Variants in FAIM2 observed in about 807,000 individuals in gnomAD.
FAIM2 encodes Fas apoptotic inhibitory molecule 2.
FAIM2 carries 27 observed loss-of-function variants against 47.4 expected under a neutral mutation model. The observed-to-expected ratio is 0.57, with a 90% CI of 0.42 to 0.78. The LOEUF (loss-of-function observed/expected upper bound fraction) is 0.78. Among genes scored for constraint, FAIM2 ranks in the 30% least tolerant of loss-of-function variants. The pLI, the probability that FAIM2 is intolerant of heterozygous loss-of-function variation, is 0.00. For missense variants in FAIM2, 311 were observed against 389.4 expected, an observed-to-expected ratio of 0.80 and a Z score of 1.69; for synonymous variants, 156 against 159.3, an observed-to-expected ratio of 0.98 and a Z score of 0.16.
rs1434343091 is a variant in FAIM2, at chr12:49,903,813, G to A, written c.-21C>T. The A allele has an allele frequency of 6.5e-7, 1 of 1,535,994 alleles. No homozygotes were observed. Among genetic ancestry groups the A allele is most frequent in the Admixed American group, 2.0e-5 (1 of 49,078 alleles). On this transcript the variant is annotated 5_prime_UTR_variant, in exon 1 of 12. Transcript: ENST00000320634. ...GTCATGGTGCCGTCTCTCGGGGAAGGGGTCCCTGAGGCCCGGGTGGCCGCT... is the reference window on the plus strand; with the variant it reads ...GTCATGGTGCCGTCTCTCGGGGAAGAGGTCCCTGAGGCCCGGGTGGCCGCT...
rs183038976 is a variant in FAIM2 at position 49,874,550 on chromosome 12, C to T, written c.802-3897G>A. Among the ~76,000 whole-genome samples, 330 of 152,348 alleles carry T rather than the reference C, an allele frequency of 2.2e-3. 2 individuals are homozygous for T. Among genetic ancestry groups the T allele is most frequent in the Non-Finnish European group, 3.9e-3 (262 of 68,028 alleles). On this transcript the variant is annotated intron_variant, in intron 11 of 11. Transcript: ENST00000320634. This position sits in a 1 kb window ranked among gnomAD's most constrained non-coding sequence, Gnocchi z 4.2. Reference sequence around the variant, plus strand: ...CCCCAGCCACACATTTGGCCTGACCCTGCCATATCTGGGGCCCAGGCTTAT... The same window carrying T: ...CCCCAGCCACACATTTGGCCTGACCTTGCCATATCTGGGGCCCAGGCTTAT...
Position 49,901,159 on chromosome 12 carries a change from A to C in FAIM2, c.182T>G (p.Leu61Arg), listed in dbSNP as rs551704971. The C allele has an allele frequency of 2.5e-6, 4 of 1,605,686 alleles. No homozygotes were observed. The South Asian group carries it at 4.5e-5, about 18-fold the overall frequency. Residue 61 changes from leucine to arginine, a missense_variant, in exon 2 of 12, where the codon CTC (leucine) becomes CGC (arginine). By Grantham distance (102) the Leu-to-Arg change is moderately radical. Coordinates refer to ENST00000320634, the MANE Select transcript of FAIM2 (RefSeq NM_012306.4). ...GTCCACATAGGCCCAGCTAGGGTGGAGAGGCACCGCTGTGGGGGCTGGGGG... is the reference window on the plus strand; with the variant it reads ...GTCCACATAGGCCCAGCTAGGGTGGCGAGGCACCGCTGTGGGGGCTGGGGG... Reference protein sequence around the residue: ...AFPPAPTAVPLHPSWAYVDPS... With the variant: ...AFPPAPTAVPRHPSWAYVDPS...
At chr12:49,893,919 G>A (rs1217654452) in intron 5 of FAIM2, among the ~76,000 whole-genome samples, 3 of 152,276 alleles carry the variant, frequency 2.0e-5, no homozygotes, top group South Asian at 2.1e-4. Context: ...GTTCTATCTC[G>A]CCAGCCAGAG....
Position 49,870,146 on chromosome 12 carries a change from G to A in FAIM2, c.*358C>T, listed in dbSNP as rs1018299646. 9 of 227,388 alleles carry A rather than the reference G, an allele frequency of 4.0e-5. No individual in the cohort carries two copies. The highest frequency in any genetic ancestry group is 1.8e-4 in the African/African-American group (8 of 44,244). 14.1% of individuals were successfully genotyped at this position (227,388 alleles called of 1,614,324 possible). On this transcript the variant is annotated 3_prime_UTR_variant, in exon 12 of 12. Transcript: ENST00000320634. ...GCAGCCCTAGGAGGAATTGCAGTGG[G>A]GCTCAGGGCTCTGCCGGGCTTCCTG...
chr12:49,876,686 G>A (rs1312687809), intron 11 of FAIM2, among the ~76,000 whole-genome samples: 1 of 151,914 alleles, frequency 6.6e-6, no homozygotes, highest in Non-Finnish European at 1.5e-5. Context: ...GCAGGAGAAT[G>A]GCGTGAACCC....
At chr12:49,900,121 T>G in intron 2 of FAIM2, 1 of 1,010,798 alleles carries the variant, frequency 9.9e-7, no homozygotes, top group Non-Finnish European at 1.3e-6. Flanking sequence ...GGCGGGTGTG[T>G]AGGGAAGGGA....
chr12:49,878,725 T>G (rs115852313), intron 11 of FAIM2, among the ~76,000 whole-genome samples: 17,482 of 126,048 alleles, frequency 0.14, 2,945 homozygotes, highest in African/African-American at 0.19. Context: ...CGTGTGTGTC[T>G]GTGTGCATGT....
intron 2 of FAIM2, among the ~76,000 whole-genome samples, chr12:49,899,009 CTG>C (rs1946962275): frequency 6.6e-6 from 1 of 152,134 alleles, no homozygotes; most frequent in South Asian, 2.1e-4. Flanking sequence ...AGTCCCAGAA[CTG>C]AGGCTTTTGG....
At chr12:49,895,827 T>C (rs1473904000) in intron 5 of FAIM2, among the ~76,000 whole-genome samples, 2 of 152,186 alleles carry the variant, frequency 1.3e-5, no homozygotes, top group Non-Finnish European at 2.9e-5. Flanking sequence ...AGGAACAGAC[T>C]TGGGACAGCC....
intron 11 of FAIM2, among the ~76,000 whole-genome samples, chr12:49,880,044 A>ATGTG (rs143124426): frequency 6.7e-6 from 1 of 148,216 alleles, no homozygotes; most frequent in East Asian, 2.0e-4. Context: ...GTGTATATGC[A>ATGTG]TGTGTATATA....
chr12:49,903,244 T>G (rs1360909121), intron 1 of FAIM2, among the ~76,000 whole-genome samples: 1 of 152,240 alleles, frequency 6.6e-6, no homozygotes, highest in African/African-American at 2.4e-5. Context: ...AGCATCTTGA[T>G]GCAGAGTTGT....
chr12:49,875,755 G>T (rs780989493), intron 11 of FAIM2, among the ~76,000 whole-genome samples: 2 of 152,062 alleles, frequency 1.3e-5, no homozygotes, highest in African/African-American at 2.4e-5. Context: ...TGGGTGGATC[G>T]CCTGAGGTCA....
chr12:49,874,060 G>T lies in FAIM2; in HGVS notation c.802-3407C>A, dbSNP rs1362236759. On this transcript the variant is annotated intron_variant, in intron 11 of 11. Transcript: ENST00000320634. The surrounding 1 kb of genome is among the most constrained non-coding windows in gnomAD (Gnocchi z 4.2). ...TAACTAATGTCTTGGTTGAGAGCAG[G>T]TATCTTGGTTATAGTTAACATCTTA... Among the ~76,000 whole-genome samples the T allele has an allele frequency of 1.3e-5, 2 of 152,194 alleles. No individual in the cohort carries two copies. The highest frequency in any genetic ancestry group is 2.4e-5 in the African/African-American group (1 of 41,434).
chr12:49,896,220 G>C (rs890103528), intron 5 of FAIM2, among the ~76,000 whole-genome samples: 2 of 152,198 alleles, frequency 1.3e-5, no homozygotes, highest in Non-Finnish European at 1.5e-5. Context: ...CAGTGAGCGC[G>C]AGAGCAGTTC....
At chr12:49,901,562 A>C in intron 1 of FAIM2, 1 of 418,692 alleles carries the variant, frequency 2.4e-6, no homozygotes, top group Non-Finnish European at 4.2e-6. Flanking sequence ...GGAAAGAGAA[A>C]ATTCTTAGGA....
At chr12:49,900,206 C>A (rs537685012) in intron 2 of FAIM2, 1 of 1,287,308 alleles carries the variant, frequency 7.8e-7, no homozygotes, top group Non-Finnish European at 1.0e-6. Context: ...CAGGGGTCTG[C>A]GCCCAGGGGA....
intron 10 of FAIM2, among the ~76,000 whole-genome samples, chr12:49,888,861 A>T (rs1946879377): frequency 6.6e-6 from 1 of 152,200 alleles, no homozygotes; most frequent in Admixed American, 6.5e-5. Context: ...ACAGAGGAGG[A>T]CGGGAAAAGT....
chr12:49,897,703 G>A, intron 3 of FAIM2, 120 bp from the exon 4 acceptor site: 2 of 733,040 alleles, frequency 2.7e-6, no homozygotes, highest in Non-Finnish European at 4.6e-6. Flanking sequence ...CTTTTTGGGG[G>A]TCATTGGAGT....
At chr12:49,890,210 C>T in intron 7 of FAIM2, 56 bp from the exon 8 acceptor site, 2 of 1,571,802 alleles carry the variant, frequency 1.3e-6, no homozygotes, top group Non-Finnish European at 1.8e-6. Flanking sequence ...GGGGCCCAGG[C>T]ACCCTCGAGG....
Sources: gnomAD v4.1 joint callset for allele counts (sites outside exome capture counted in the v4.1 genomes callset) on GRCh38, gnomAD v4.1.1 for gene constraint, Gnocchi (gnomAD v3.1) non-coding constraint, MANE v1.5 for transcripts, NCBI Gene and HGNC (gene_info 2026-07-23, HGNC 2026-07-21) for gene names.